The following SLC14A2 variants were observed in gnomAD, a reference collection of about 807,000 sequenced individuals.
SLC14A2 encodes the protein urea transporter 2.
A neutral mutation model predicts 104.6 loss-of-function variants in SLC14A2; 91 were observed. That is an observed-to-expected ratio of 0.87 (90% CI 0.73 to 1.04). The LOEUF is 1.04. Ranked by LOEUF, SLC14A2 falls within the 50% of genes least tolerant of loss-of-function variation. SLC14A2 has a pLI of 0.00. For missense variants in SLC14A2, 1,189 were observed against 1,156.0 expected (o/e 1.03, Z -0.41); for synonymous variants, 476 against 466.4 (o/e 1.02, Z -0.27).
chr18:45,518,391 A>G (rs1403208837), intron 2 of SLC14A2, among the ~76,000 whole-genome samples: 1 of 92,154 alleles, frequency 1.1e-5, no homozygotes, highest in African/African-American at 3.7e-5. Flanking sequence ...CTATGATAGC[A>G]TTTGTCTTCA....
intron 1 of SLC14A2, among the ~76,000 whole-genome samples, chr18:45,266,728 A>G (rs16978315): frequency 0.017 from 2,593 of 152,258 alleles, 64 homozygotes; most frequent in East Asian, 0.1. Flanking sequence ...CATATATACA[A>G]CTGTGTGTAC....
intron 1 of SLC14A2, among the ~76,000 whole-genome samples, chr18:45,312,811 G>T (rs1194483618): frequency 1.3e-5 from 2 of 152,204 alleles, no homozygotes; most frequent in African/African-American, 4.8e-5. Flanking sequence ...AGAGAGCTCA[G>T]GCTCCTCTCA....
intron 1 of SLC14A2, among the ~76,000 whole-genome samples, chr18:45,365,042 C>T (rs2085652816): frequency 6.6e-6 from 1 of 152,168 alleles, no homozygotes; most frequent in Admixed American, 6.6e-5. Context: ...TCGAGGAATC[C>T]TCTCTGATTG....
intron 1 of SLC14A2, among the ~76,000 whole-genome samples, chr18:45,366,257 C>T (rs975231818): frequency 1.3e-5 from 2 of 152,154 alleles, no homozygotes; most frequent in Non-Finnish European, 2.9e-5. Context: ...TCACACCATC[C>T]TTCCTGGGCT....
Position 45,350,758 on chromosome 18 carries a change from A to T in SLC14A2, c.-124-132475A>T, listed in dbSNP as rs191838051. ...GGGATTTATTTATCACAAGGAAAAG[A>T]TTTATCCAGGAAAAAAAAAAAAGCT... On this transcript the variant is annotated intron_variant, in intron 1 of 20. Coordinates refer to the SLC14A2 transcript ENST00000586448. Among the ~76,000 whole-genome samples, 30 of 151,612 alleles carry T rather than the reference A, an allele frequency of 2.0e-4. No individual in the cohort carries two copies. In the East Asian group the frequency reaches 4.9e-3, roughly 25 times the overall value.
intron 1 of SLC14A2, among the ~76,000 whole-genome samples, chr18:45,410,195 A>G (rs1193345728): frequency 2.6e-5 from 4 of 152,188 alleles, no homozygotes; most frequent in Non-Finnish European, 5.9e-5. Flanking sequence ...AGTGGCTGTC[A>G]ATACAGATGA....
At chr18:45,297,226 G>T (rs907035153) in intron 1 of SLC14A2, among the ~76,000 whole-genome samples, 1 of 152,150 alleles carries the variant, frequency 6.6e-6, no homozygotes, top group East Asian at 1.9e-4. Flanking sequence ...TTTCTTGAGG[G>T]TACAGCAACT....
intron 2 of SLC14A2, among the ~76,000 whole-genome samples, chr18:45,533,388 C>T (rs1302622117): frequency 3.9e-5 from 6 of 151,944 alleles, no homozygotes; most frequent in African/African-American, 1.2e-4. Context: ...CTGTTATTGG[C>T]CTATTCAGAG....
intron 2 of SLC14A2, among the ~76,000 whole-genome samples, chr18:45,525,499 A>G (rs1420767533): frequency 6.6e-6 from 1 of 152,120 alleles, no homozygotes; most frequent in Non-Finnish European, 1.5e-5. Flanking sequence ...TCCCTTTATT[A>G]CTGGTTATTA....
chr18:45,315,509 T>G (rs1020121059), intron 1 of SLC14A2, among the ~76,000 whole-genome samples: 2 of 152,150 alleles, frequency 1.3e-5, no homozygotes, highest in African/African-American at 4.8e-5. Flanking sequence ...GGAGCCTGAT[T>G]AGACAGGTAA....
intron 2 of SLC14A2, among the ~76,000 whole-genome samples, chr18:45,573,475 T>TA (rs2044377804): frequency 2.0e-5 from 3 of 152,250 alleles, no homozygotes; most frequent in Admixed American, 2.0e-4. Context: ...TAATTTGTTA[T>TA]AAGTTACAAA....
intron 1 of SLC14A2, among the ~76,000 whole-genome samples, chr18:45,380,307 T>C (rs1039215285): frequency 2.0e-5 from 3 of 152,196 alleles, no homozygotes; most frequent in Non-Finnish European, 4.4e-5. Flanking sequence ...GGAAAATATC[T>C]GTAGTCGACC....
intron 11 of SLC14A2, 110 bp from the exon 12 acceptor site, chr18:45,666,027 C>G: frequency 1.4e-6 from 1 of 740,108 alleles, no homozygotes; most frequent in Non-Finnish European, 2.4e-6. Context: ...TCAGTAGGAA[C>G]AGGAAATACT....
chr18:45,171,181 G>A, the SLC14A2 span, among the ~76,000 whole-genome samples: 1 of 152,084 alleles, frequency 6.6e-6, no homozygotes, highest in African/African-American at 2.4e-5. Context: ...ATATGTTCAT[G>A]AAACATACTT....
chr18:45,367,495 G>A (rs911757177), intron 1 of SLC14A2, among the ~76,000 whole-genome samples: 1 of 152,184 alleles, frequency 6.6e-6, no homozygotes, highest in African/African-American at 2.4e-5. Flanking sequence ...ATGGCACATT[G>A]ACCAAATCAG....
At chr18:45,282,817 C>T (rs2084776009) in intron 1 of SLC14A2, among the ~76,000 whole-genome samples, 1 of 151,360 alleles carries the variant, frequency 6.6e-6, no homozygotes, top group Non-Finnish European at 1.5e-5. Flanking sequence ...ACCTCCCTCC[C>T]TACCTCCCTC....
At chr18:45,295,708 A>T (rs1014387667) in intron 1 of SLC14A2, among the ~76,000 whole-genome samples, 9 of 152,152 alleles carry the variant, frequency 5.9e-5, no homozygotes, top group African/African-American at 2.2e-4. Context: ...TTTCACCTTG[A>T]TAACTGATTT....
chr18:45,379,755 T>A (rs2085813657), intron 1 of SLC14A2, among the ~76,000 whole-genome samples: 2 of 152,150 alleles, frequency 1.3e-5, no homozygotes, highest in African/African-American at 4.8e-5. Context: ...GATAAAATCC[T>A]CCCCACTGAG....
chr18:45,266,732 T>A (rs560103569), intron 1 of SLC14A2, among the ~76,000 whole-genome samples: 1 of 152,258 alleles, frequency 6.6e-6, no homozygotes, highest in East Asian at 1.9e-4. Flanking sequence ...TATACAACTG[T>A]GTGTACAATA....
Sources: allele counts gnomAD v4.1 joint callset (sites outside exome capture counted in the v4.1 genomes callset), GRCh38; gene constraint gnomAD v4.1.1; transcripts MANE v1.5; gene names NCBI Gene and HGNC (gene_info 2026-07-23, HGNC 2026-07-21).